Variants in MCCC1 observed in about 807,000 individuals in gnomAD.
MCCC1 encodes methylcrotonyl-CoA carboxylase subunit 1.
In MCCC1, 64 loss-of-function variants were observed where a neutral mutation model predicts 83.8. The observed-to-expected ratio is 0.76, with a 90% CI of 0.62 to 0.94. The LOEUF (loss-of-function observed/expected upper bound fraction) is 0.94, where lower values mean the gene tolerates loss of function less well. MCCC1 is among the 40% of genes least tolerant of loss of function. MCCC1 has a pLI of 0.00. For missense variants in MCCC1, 807 were observed against 904.7 expected, an observed-to-expected ratio of 0.89 and a Z score of 1.39; for synonymous variants, 322 against 315.4, an observed-to-expected ratio of 1.02 and a Z score of -0.22.
chr3:183,067,223 T>TG (rs1716320303), intron 7 of MCCC1, among the ~76,000 whole-genome samples: 2 of 152,216 alleles, frequency 1.3e-5, no homozygotes, highest in Admixed American at 6.5e-5. Context: ...AAGTAAAGAA[T>TG]GTCACTTTCT....
chr3:183,071,192 A>G lies in MCCC1; in HGVS notation c.639+18T>C, dbSNP rs1716651936. On this transcript the variant is annotated intron_variant, in intron 6 of 18. Coordinates refer to ENST00000265594, the MANE Select transcript of MCCC1 (RefSeq NM_020166.5). ...AAGACAAGCCTGAATTGGCAAACAC[A>G]AGCATGCACAATCTTACTTTTCCTC... 6.2e-7 allele frequency: 1 copy of G among 1,614,220 alleles called. No homozygotes were observed. Among genetic ancestry groups the G allele is most frequent in the Non-Finnish European group, 8.5e-7 (1 of 1,180,040 alleles).
intron 7 of MCCC1, among the ~76,000 whole-genome samples, chr3:183,065,119 C>G (rs894970971): frequency 6.6e-6 from 1 of 151,932 alleles, no homozygotes; most frequent in African/African-American, 2.4e-5. Flanking sequence ...AGATGGATAC[C>G]TTAGGATAAA....
At chr3:183,080,342 C>A (rs537702162) in intron 4 of MCCC1, among the ~76,000 whole-genome samples, 1 of 152,246 alleles carries the variant, frequency 6.6e-6, no homozygotes, top group Admixed American at 6.5e-5. Flanking sequence ...TGCCAGATAC[C>A]CTAAATCATC....
intron 9 of MCCC1, among the ~76,000 whole-genome samples, chr3:183,049,945 C>T (rs1400049483): frequency 6.6e-5 from 10 of 151,960 alleles, no homozygotes. Flanking sequence ...ACAGGGGGAC[C>T]CTGTCTCTAC....
chr3:183,040,398 C>T (rs1449080577), intron 11 of MCCC1, among the ~76,000 whole-genome samples: 1 of 151,652 alleles, frequency 6.6e-6, no homozygotes, highest in Non-Finnish European at 1.5e-5. Context: ...TATCTAAATC[C>T]ATTCCAGACA....
intron 8 of MCCC1, among the ~76,000 whole-genome samples, chr3:183,056,805 T>A: frequency 6.6e-6 from 1 of 152,182 alleles, no homozygotes; most frequent in East Asian, 1.9e-4. Flanking sequence ...GCAATTCTCC[T>A]GCCTCAGCCT....
Position 183,042,366 on chromosome 3 carries a change from G to A in MCCC1, c.1084-616C>T, listed in dbSNP as rs150530660. On this transcript the variant is annotated intron_variant, in intron 10 of 18. Coordinates refer to ENST00000265594, the MANE Select transcript of MCCC1 (RefSeq NM_020166.5). ...TAATTATTACTATTTTAGTTATTAT[G>A]TACCAATACAACAAATCACTCTCTT... Among the ~76,000 whole-genome samples the A allele has an allele frequency of 7.4e-3, 1,120 of 152,196 alleles. 11 individuals are homozygous for A. The highest frequency in any genetic ancestry group is 0.026 in the African/African-American group (1,076 of 41,518).
upstream of MCCC1, among the ~76,000 whole-genome samples, chr3:183,103,048 G>T (rs1346563034): frequency 6.6e-6 from 1 of 151,990 alleles, no homozygotes. Flanking sequence ...GATCCTCGCG[G>T]TGAGTGTTAC....
chr3:183,084,263 G>A (rs1717727953), intron 4 of MCCC1, among the ~76,000 whole-genome samples: 1 of 152,180 alleles, frequency 6.6e-6, no homozygotes, highest in African/African-American at 2.4e-5. Context: ...ACTTTGAGTA[G>A]CAAGATTTAG....
chr3:183,015,751 G>A (rs1348914596), intron 18 of MCCC1, among the ~76,000 whole-genome samples, 185 bp from the exon 19 acceptor site: 1 of 152,072 alleles, frequency 6.6e-6, no homozygotes, highest in East Asian at 1.9e-4. Flanking sequence ...AGCACACAGG[G>A]AGAACAGTAA....
intron 18 of MCCC1, among the ~76,000 whole-genome samples, chr3:183,015,933 T>C (rs1212180959): frequency 6.6e-6 from 1 of 151,338 alleles, no homozygotes; most frequent in Non-Finnish European, 1.5e-5. Context: ...TTGTTTTTTG[T>C]TGTTGTTGCT....
chr3:183,022,704 CTT>C, intron 15 of MCCC1, 150 bp from the exon 16 acceptor site: 1 of 703,558 alleles, frequency 1.4e-6, no homozygotes, highest in Non-Finnish European at 2.3e-6. Context: ...AGTCATGGAA[CTT>C]TTCCCCTATT....
At chr3:183,104,234 A>G (rs1343042754), upstream of MCCC1, among the ~76,000 whole-genome samples, 1 of 152,188 alleles carries the variant, frequency 6.6e-6, no homozygotes, top group Non-Finnish European at 1.5e-5. Flanking sequence ...AAGTGCCGCC[A>G]AACTGGGAGC....
intron 14 of MCCC1, among the ~76,000 whole-genome samples, chr3:183,028,420 C>T (rs34822404): frequency 0.22 from 33,669 of 152,058 alleles, 4,345 homozygotes; most frequent in East Asian, 0.59. Context: ...CTGCAGCCCA[C>T]GGATCAAGGA....
At chr3:183,110,817 A>G (rs148833608) in intron 1 of MCCC1, among the ~76,000 whole-genome samples, 1 of 152,314 alleles carries the variant, frequency 6.6e-6, no homozygotes, top group African/African-American at 2.4e-5. Flanking sequence ...ATTTTTGTGT[A>G]TGGAGAAAGG....
At chr3:183,101,184 C>T (rs1456316995), upstream of MCCC1, among the ~76,000 whole-genome samples, 1 of 152,276 alleles carries the variant, frequency 6.6e-6, no homozygotes, top group Non-Finnish European at 1.5e-5. Context: ...CTCCCACCCA[C>T]TCCATGGGCT....
At chr3:183,078,437 AT>A (rs540083105) in intron 4 of MCCC1, among the ~76,000 whole-genome samples, 3 of 151,986 alleles carry the variant, frequency 2.0e-5, no homozygotes, top group Non-Finnish European at 4.4e-5. Flanking sequence ...ATCAATTTCT[AT>A]TTTTTTTAAA....
intron 9 of MCCC1, among the ~76,000 whole-genome samples, chr3:183,048,564 C>T (rs916847159): frequency 6.6e-6 from 1 of 152,164 alleles, no homozygotes; most frequent in African/African-American, 2.4e-5. Context: ...CAATTTTTAA[C>T]ATGCATGTAC....
chr3:183,104,660 C>T (rs1232605447), intron 1 of MCCC1, among the ~76,000 whole-genome samples: 11 of 152,022 alleles, frequency 7.2e-5, no homozygotes, highest in African/African-American at 2.4e-4. Flanking sequence ...AGAAAATGGT[C>T]AAAGAATATG....
Sources: allele counts gnomAD v4.1 joint callset (sites outside exome capture counted in the v4.1 genomes callset), GRCh38; gene constraint gnomAD v4.1.1; transcripts MANE v1.5; gene names NCBI Gene and HGNC (gene_info 2026-07-23, HGNC 2026-07-21).